FAM117B: variants seen among roughly 807,000 people sequenced by gnomAD.
FAM117B encodes family with sequence similarity 117 member B, also known as protein FAM117B.
In FAM117B, 22 loss-of-function variants were observed where a neutral mutation model predicts 52.8. That is an observed-to-expected ratio of 0.42 (90% CI 0.30 to 0.59). The LOEUF is 0.59. Among genes scored for constraint, FAM117B ranks in the 20% least tolerant of loss-of-function variants. The pLI, the probability that FAM117B is intolerant of heterozygous loss-of-function variation, is 0.22. For missense variants in FAM117B, 678 were observed against 802.6 expected, an observed-to-expected ratio of 0.84 and a Z score of 1.88; for synonymous variants, 309 against 324.1, an observed-to-expected ratio of 0.95 and a Z score of 0.50.
In FAM117B at chr2:202,726,353, A is replaced by G; in HGVS notation, c.950A>G (p.Asn317Ser). ...TTTCATGGCAACCATGCAGCTATTA[A>G]CCAGTGTCAGGTAAGAGTACCAATA... is the stretch of plus-strand genomic sequence containing the variant. Reference protein sequence around the residue: ...SPFHGNHAAINQCQAPVPKSA... With the variant: ...SPFHGNHAAISQCQAPVPKSA... The change falls in exon 4 of 8, where the codon AAC becomes AGC. Residue 317 changes from asparagine to serine, a missense_variant. By Grantham distance (46) the Asn-to-Ser change is conservative (BLOSUM62 1). Coordinates refer to ENST00000392238, the MANE Select transcript of FAM117B (RefSeq NM_173511.4). 1.2e-6 allele frequency: 2 copies of G among 1,612,066 alleles called. No individual in the cohort carries two copies. The highest frequency in any genetic ancestry group is 1.7e-6 in the Non-Finnish European group (2 of 1,178,908).
Position 202,757,345 on chromosome 2 carries a change from G to C in FAM117B, c.1237G>C (p.Val413Leu), listed in dbSNP as rs777827825. ...CAACAACAGCAGCCGTTCCCAGTCCGTGTCCCCAACATCGTTCCTCACCAT... is the reference window on the plus strand; with the variant it reads ...CAACAACAGCAGCCGTTCCCAGTCCCTGTCCCCAACATCGTTCCTCACCAT... ...GSNNSSRSQS[V>L]SPTSFLTISN... Residue 413 changes from valine to leucine, a missense_variant, in exon 6 of 8, where the codon GTG becomes CTG. Coordinates refer to ENST00000392238, the MANE Select transcript of FAM117B (RefSeq NM_173511.4). 1 of 1,614,090 alleles carries C rather than the reference G, an allele frequency of 6.2e-7. No individual in the cohort carries two copies. Among genetic ancestry groups the C allele is most frequent in the Non-Finnish European group, 8.5e-7 (1 of 1,180,032 alleles).
rs535126004 is a variant in FAM117B at position 202,669,639 on chromosome 2, C to T, written c.602-26242C>T. Among the ~76,000 whole-genome samples, 6 of 152,064 alleles carry T rather than the reference C, an allele frequency of 3.9e-5. No individual in the cohort carries two copies. In the East Asian group the frequency reaches 5.8e-4, roughly 15 times the overall value. ...AACATAACTAAGAAAAAATGTTTTT[C>T]ACATTGTTTCAAGTGGGATTTTCAG... On this transcript the variant is annotated intron_variant, in intron 1 of 7. Transcript: ENST00000392238.
chr2:202,643,543 T>C (rs2105752651), intron 1 of FAM117B, among the ~76,000 whole-genome samples: 1 of 152,334 alleles, frequency 6.6e-6, no homozygotes, highest in Admixed American at 6.5e-5. Flanking sequence ...TAAATTTATT[T>C]TTTTAAACTA....
chr2:202,761,031 C>A (rs1691878698), intron 7 of FAM117B, among the ~76,000 whole-genome samples: 1 of 152,206 alleles, frequency 6.6e-6, no homozygotes, highest in Non-Finnish European at 1.5e-5. Flanking sequence ...ACCTCAGCCT[C>A]CCAGTTAGCT....
chr2:202,731,709 C>T (rs1351663562), intron 4 of FAM117B, among the ~76,000 whole-genome samples: 2 of 151,858 alleles, frequency 1.3e-5, no homozygotes, highest in African/African-American at 4.8e-5. Context: ...GGATTACAGA[C>T]GTGAGCCACT....
At chr2:202,759,194 A>C (rs769707657) in intron 6 of FAM117B, 39 bp from the exon 7 acceptor site, 2 of 1,610,122 alleles carry the variant, frequency 1.2e-6, no homozygotes, top group Non-Finnish European at 1.7e-6. Context: ...TAGTATGACT[A>C]TACATTTATG....
At chr2:202,758,803 G>A (rs944814524) in intron 6 of FAM117B, among the ~76,000 whole-genome samples, 1 of 152,180 alleles carries the variant, frequency 6.6e-6, no homozygotes, top group Non-Finnish European at 1.5e-5. Context: ...TTGGCATCCG[G>A]TAGCTCTCAC....
At chr2:202,661,510 G>T (rs772354866) in intron 1 of FAM117B, among the ~76,000 whole-genome samples, 12 of 152,054 alleles carry the variant, frequency 7.9e-5, no homozygotes, top group Non-Finnish European at 1.3e-4. Flanking sequence ...TAATATTGAG[G>T]TTAATTATTT....
rs1692039506 is a variant in FAM117B, at chr2:202,769,567, A to C, written c.*3803A>C. ...AACTCTTCATTTTTTGTCTCTGTGG[A>C]AGCTGTGTAACTCTTTTTAAAATGC... On this transcript the variant is annotated 3_prime_UTR_variant, in exon 8 of 8. Coordinates refer to ENST00000392238, the MANE Select transcript of FAM117B (RefSeq NM_173511.4). The C allele has an allele frequency of 6.6e-6, 1 of 152,570 alleles. No homozygotes were observed. Among genetic ancestry groups the C allele is most frequent in the Non-Finnish European group, 1.5e-5 (1 of 68,028 alleles). 9.5% of individuals were successfully genotyped at this position (152,570 alleles called of 1,614,324 possible). A position where few individuals can be genotyped will look rare whatever the true frequency, so the allele number is the denominator to read the frequency against.
intron 1 of FAM117B, among the ~76,000 whole-genome samples, chr2:202,659,008 T>A (rs1043420091): frequency 1.3e-5 from 2 of 152,118 alleles, no homozygotes; most frequent in African/African-American, 4.8e-5. Context: ...TCCTGTCTTT[T>A]TTATTTTTAT....
chr2:202,635,659 A>C lies in FAM117B; in HGVS notation c.472A>C (p.Thr158Pro). 1 of 1,359,426 alleles carries C rather than the reference A, an allele frequency of 7.4e-7. No homozygotes were observed. 84.2% of individuals were successfully genotyped at this position (1,359,426 alleles called of 1,614,324 possible). ...GTVSSPSSSP[T>P]HLWTGEVSAA... ...CGTGTCGTCGCCCAGCTCGTCGCCC[A>C]CCCACCTGTGGACCGGCGAGGTGAG... Residue 158 changes from threonine to proline, a missense_variant, in exon 1 of 8, where the codon ACC becomes CCC. Thr to Pro is a conservative substitution (Grantham distance 38). This residue lies in a region of FAM117B where 583 missense variants were observed against 644.8 expected (regional missense o/e 0.90). Transcript: ENST00000392238.
At chr2:202,753,836 G>A (rs909627105) in intron 4 of FAM117B, among the ~76,000 whole-genome samples, 4 of 151,420 alleles carry the variant, frequency 2.6e-5, no homozygotes, top group Admixed American at 6.6e-5. Context: ...ACCATCTCAC[G>A]CCAGTCAGAA....
chr2:202,670,475 C>T (rs1008786242), intron 1 of FAM117B, among the ~76,000 whole-genome samples: 1 of 151,740 alleles, frequency 6.6e-6, no homozygotes, highest in African/African-American at 2.4e-5. Context: ...TTTTTAGAGA[C>T]GGGGTTTCAT....
intron 4 of FAM117B, among the ~76,000 whole-genome samples, chr2:202,728,669 T>G (rs971242731): frequency 3.9e-4 from 60 of 152,314 alleles, no homozygotes; most frequent in African/African-American, 1.4e-3. Context: ...GGATGGAATT[T>G]TATTGAATTA....
chr2:202,637,873 C>CT (rs556979899), intron 1 of FAM117B, among the ~76,000 whole-genome samples: 4,268 of 130,712 alleles, frequency 0.033, 205 homozygotes, highest in African/African-American at 0.11. Flanking sequence ...AGTTAGGTAA[C>CT]TTTTTTTTTT....
chr2:202,665,682 C>T (rs1690194149), intron 1 of FAM117B, among the ~76,000 whole-genome samples: 1 of 152,334 alleles, frequency 6.6e-6, no homozygotes, highest in African/African-American at 2.4e-5. Flanking sequence ...CTCACTGCAA[C>T]TTCTGCCTCC....
intron 1 of FAM117B, among the ~76,000 whole-genome samples, chr2:202,685,009 G>A (rs1367428706): frequency 6.6e-6 from 1 of 151,926 alleles, no homozygotes; most frequent in African/African-American, 2.4e-5. Flanking sequence ...TTTTGAGAGA[G>A]TCTTGCTCCA....
chr2:202,694,512 G>A (rs1469446688), intron 1 of FAM117B, among the ~76,000 whole-genome samples: 2 of 151,724 alleles, frequency 1.3e-5, no homozygotes, highest in African/African-American at 4.8e-5. Flanking sequence ...TTTTATATGT[G>A]TCTTTCCTCA....
At chr2:202,723,383 G>T (rs909727879) in intron 2 of FAM117B, among the ~76,000 whole-genome samples, 4 of 152,014 alleles carry the variant, frequency 2.6e-5, no homozygotes, top group Non-Finnish European at 5.9e-5. Context: ...GTACAGAAGG[G>T]TATACACTAA....
Sources: gnomAD v4.1 joint callset for allele counts (sites outside exome capture counted in the v4.1 genomes callset) on GRCh38, gnomAD v4.1.1 for gene constraint, gnomAD v4.1.1 regional missense constraint, MANE v1.5 for transcripts, NCBI Gene and HGNC (gene_info 2026-07-23, HGNC 2026-07-21) for gene names.